Variants in SEMA3C observed in about 807,000 individuals in gnomAD.
The protein encoded by SEMA3C is semaphorin 3C, also known as semaphorin-3C.
A neutral mutation model predicts 89.4 loss-of-function variants in SEMA3C; 47 were observed. The observed-to-expected ratio is 0.53, with a 90% CI of 0.42 to 0.67. SEMA3C has a LOEUF of 0.67. Ranked by LOEUF, SEMA3C falls within the 30% of genes least tolerant of loss-of-function variation. SEMA3C has a pLI of 0.00. For missense variants in SEMA3C, 839 were observed against 929.1 expected (o/e 0.90, Z 1.26); for synonymous variants, 310 against 320.2 (o/e 0.97, Z 0.34).
chr7:80,807,407 G>T (rs1789367694), intron 6 of SEMA3C, among the ~76,000 whole-genome samples: 1 of 152,102 alleles, frequency 6.6e-6, no homozygotes, highest in Non-Finnish European at 1.5e-5. Flanking sequence ...CATCTAATTG[G>T]CTTCATTTCC....
chr7:80,821,283 T>A (rs188026026), intron 4 of SEMA3C, among the ~76,000 whole-genome samples: 42 of 152,260 alleles, frequency 2.8e-4, no homozygotes, highest in African/African-American at 1.0e-3. Context: ...TAAACTTGAG[T>A]TTTTTAAAAA....
chr7:80,876,046 G>A (rs1210395447), intron 2 of SEMA3C, among the ~76,000 whole-genome samples: 1 of 152,072 alleles, frequency 6.6e-6, no homozygotes, highest in Admixed American at 6.6e-5. Flanking sequence ...TTAAATTTGT[G>A]GGTGGAAGAT....
rs745494045 is a variant in SEMA3C at position 80,885,219 on chromosome 7, T to TTTTG, written c.103+31456_103+31459dup. ...CTGATGTCTGAAATCTAATACCTTT[T>TTTTG]TTTGTTTGTTTGTTTTCAGACATTT... On this transcript the variant is annotated intron_variant, in intron 2 of 17. Coordinates refer to ENST00000265361, the MANE Select transcript of SEMA3C (RefSeq NM_006379.5). 1.2e-4 allele frequency among the ~76,000 whole-genome samples: 18 copies of TTTTG among 152,316 alleles called. No homozygotes were observed. In the South Asian group the frequency reaches 1.9e-3, roughly 16 times the overall value.
Position 80,751,323 on chromosome 7 carries a change from G to C in SEMA3C, c.1657C>G (p.Gln553Glu). The C allele has an allele frequency of 1.2e-6, 2 of 1,613,828 alleles. No individual in the cohort carries two copies. Among genetic ancestry groups the C allele is most frequent in the Non-Finnish European group, 1.7e-6 (2 of 1,179,848 alleles). ...AGTGGGTTTCCATGTCTCACATCTT[G>C]TCTTCGGCTCCTCCTGCAAGTGCAG... is the stretch of plus-strand genomic sequence containing the variant. ...YPTGKRRSRR[Q>E]DVRHGNPLTQ... The change falls in exon 16 of 18, where the codon CAA (glutamine) becomes GAA (glutamate). Residue 553 changes from glutamine (Q) to glutamate (E), a missense_variant. By Grantham distance (29) the Gln-to-Glu change is conservative. Transcript: ENST00000265361.
chr7:80,859,391 C>G (rs1790718605), intron 2 of SEMA3C, among the ~76,000 whole-genome samples: 1 of 152,066 alleles, frequency 6.6e-6, no homozygotes, highest in Non-Finnish European at 1.5e-5. Context: ...TGAAAAAGTA[C>G]CCGATGAGCT....
chr7:80,816,146 C>G (rs939635896), intron 5 of SEMA3C: 1 of 151,992 alleles, frequency 6.6e-6, no homozygotes. Context: ...GAATCAGTCT[C>G]GCAAATAATA....
chr7:80,905,519 A>G (rs1336593816), intron 2 of SEMA3C, among the ~76,000 whole-genome samples: 1 of 152,128 alleles, frequency 6.6e-6, no homozygotes, highest in Admixed American at 6.5e-5. Flanking sequence ...GGAGGTAAAG[A>G]AAACAAAATC....
At chr7:80,895,049 T>G (rs1181314187) in intron 2 of SEMA3C, among the ~76,000 whole-genome samples, 1 of 152,186 alleles carries the variant, frequency 6.6e-6, no homozygotes, top group Non-Finnish European at 1.5e-5. Context: ...GGCATCCAAC[T>G]ATCACCACCT....
At chr7:80,764,486 G>A (rs1788251883) in intron 13 of SEMA3C, among the ~76,000 whole-genome samples, 2 of 152,102 alleles carry the variant, frequency 1.3e-5, no homozygotes, top group African/African-American at 4.8e-5. Flanking sequence ...CCCCTCTCCT[G>A]GCTCACAGAT....
intron 2 of SEMA3C, among the ~76,000 whole-genome samples, chr7:80,877,522 T>A (rs1201262648): frequency 1.3e-5 from 2 of 152,204 alleles, no homozygotes; most frequent in Admixed American, 6.5e-5. Flanking sequence ...ATTACCATAC[T>A]CCCTCATGTA....
At chr7:80,811,970 A>C (rs936234714) in intron 5 of SEMA3C, among the ~76,000 whole-genome samples, 44 of 152,316 alleles carry the variant, frequency 2.9e-4, no homozygotes, top group African/African-American at 1.0e-3. Flanking sequence ...TTGCCTCCAC[A>C]TCCTGAAAGG....
intron 2 of SEMA3C, among the ~76,000 whole-genome samples, chr7:80,863,980 A>G (rs921110155): frequency 6.9e-6 from 1 of 144,282 alleles, no homozygotes; most frequent in East Asian, 2.1e-4. Context: ...TATATCACAT[A>G]TATCACATGT....
chr7:80,744,845 G>A lies in SEMA3C; in HGVS notation c.*49C>T. The A allele has an allele frequency of 6.3e-7, 1 of 1,598,190 alleles. No homozygotes were observed. Among genetic ancestry groups the A allele is most frequent in the East Asian group, 2.2e-5 (1 of 44,780 alleles). ...TTTCTTTGCTCAAAATTTGATCATTGAAGACAGAGCATTTGTTAATGGAAG... is the reference window on the plus strand; with the variant it reads ...TTTCTTTGCTCAAAATTTGATCATTAAAGACAGAGCATTTGTTAATGGAAG... On this transcript the variant is annotated 3_prime_UTR_variant, in exon 18 of 18. Coordinates refer to ENST00000265361, the MANE Select transcript of SEMA3C (RefSeq NM_006379.5).
chr7:80,801,735 A>G (rs1011073697), intron 9 of SEMA3C, among the ~76,000 whole-genome samples: 2 of 152,150 alleles, frequency 1.3e-5, no homozygotes, highest in Non-Finnish European at 2.9e-5. Flanking sequence ...CTCCCTAAAA[A>G]AAAAAGAAAG....
intron 14 of SEMA3C, among the ~76,000 whole-genome samples, chr7:80,758,801 CT>C (rs1418207959): frequency 2.6e-5 from 4 of 152,094 alleles, no homozygotes; most frequent in East Asian, 1.9e-4. Flanking sequence ...TAAGTTATGA[CT>C]TTTTTTCTTT....
intron 2 of SEMA3C, among the ~76,000 whole-genome samples, chr7:80,896,370 G>A (rs1230206098): frequency 6.6e-6 from 1 of 152,116 alleles, no homozygotes; most frequent in Non-Finnish European, 1.5e-5. Context: ...TCCAACTCTA[G>A]GAGTCCTTTC....
At chr7:80,851,755 A>G (rs1473185202) in intron 2 of SEMA3C, among the ~76,000 whole-genome samples, 2 of 152,058 alleles carry the variant, frequency 1.3e-5, no homozygotes, top group African/African-American at 4.8e-5. Context: ...GTCACAGCAC[A>G]AAATGGCCAC....
chr7:80,881,164 AACACACACACACACAC>A (rs71802410), intron 2 of SEMA3C, among the ~76,000 whole-genome samples: 43 of 135,530 alleles, frequency 3.2e-4, no homozygotes, highest in African/African-American at 4.6e-4. Flanking sequence ...TGGAGAAAGA[AACACACACACACACAC>A]ACACACACAC....
At chr7:80,843,318 T>C (rs1790313103) in intron 2 of SEMA3C, among the ~76,000 whole-genome samples, 1 of 152,178 alleles carries the variant, frequency 6.6e-6, no homozygotes, top group Non-Finnish European at 1.5e-5. Context: ...ATGTACTCTA[T>C]GTATTATCTA....
Sources: allele counts gnomAD v4.1 joint callset (sites outside exome capture counted in the v4.1 genomes callset), GRCh38; gene constraint gnomAD v4.1.1; transcripts MANE v1.5; gene names NCBI Gene and HGNC (gene_info 2026-07-23, HGNC 2026-07-21).